Variants in USP40 observed in about 807,000 individuals in gnomAD.
USP40 encodes the protein ubiquitin specific peptidase 40.
USP40 carries 143 observed loss-of-function variants against 166.2 expected under a neutral mutation model. The observed-to-expected ratio is 0.86, with a 90% CI of 0.75 to 0.99. The LOEUF is 0.99. Among genes scored for constraint, USP40 ranks in the 50% least tolerant of loss-of-function variants. The pLI, the probability that USP40 is intolerant of heterozygous loss-of-function variation, is 0.00. For synonymous variants in USP40, 498 were observed against 524.0 expected (o/e 0.95, Z 0.68); for missense variants, 1,444 against 1,479.7 (o/e 0.98, Z 0.40).
intron 13 of USP40, 36 bp from the exon 14 acceptor site, chr2:233,525,598 A>G (rs1449557208): frequency 6.6e-7 from 1 of 1,512,174 alleles, no homozygotes; most frequent in South Asian, 1.1e-5. Context: ...AGAATGTTGA[A>G]AAGTGACATA....
At chr2:233,529,698 G>A (rs1417244597) in intron 11 of USP40, among the ~76,000 whole-genome samples, 186 bp from the exon 12 acceptor site, 2 of 151,610 alleles carry the variant, frequency 1.3e-5, no homozygotes, top group Non-Finnish European at 2.9e-5. Flanking sequence ...TAGAACAAAT[G>A]AAAAGTAAAC....
intron 25 of USP40, chr2:233,492,713 A>T (rs1411106802): frequency 6.6e-6 from 1 of 152,232 alleles, no homozygotes; most frequent in Non-Finnish European, 1.5e-5. Context: ...TTAAAAAGAA[A>T]TATAAGTAAT....
chr2:233,513,085 T>C (rs1478880106), intron 18 of USP40, among the ~76,000 whole-genome samples: 1 of 152,238 alleles, frequency 6.6e-6, no homozygotes, highest in African/African-American at 2.4e-5. Flanking sequence ...GTTTTCTGTC[T>C]TTGTAAATTA....
intron 6 of USP40, among the ~76,000 whole-genome samples, chr2:233,553,061 T>TATTGGCCATAGGTAAA (rs11269235): frequency 1.3e-5 from 2 of 151,884 alleles, no homozygotes; most frequent in Non-Finnish European, 2.9e-5. Flanking sequence ...GTTGATGCCA[T>TATTGGCCATAGGTAAA]AGAAGCTGAG....
intron 1 of USP40, among the ~76,000 whole-genome samples, 166 bp downstream of exon 1, chr2:233,566,518 C>CA (rs1340789066): frequency 6.6e-6 from 1 of 152,138 alleles, no homozygotes; most frequent in African/African-American, 2.4e-5. Flanking sequence ...CGCAAAAAGG[C>CA]AGAGGTCCCC....
chr2:233,539,151 G>A (rs1357245094), intron 10 of USP40, among the ~76,000 whole-genome samples: 1 of 150,938 alleles, frequency 6.6e-6, no homozygotes, highest in East Asian at 1.9e-4. Flanking sequence ...TTAAAAAAAT[G>A]AGACAAATCC....
intron 24 of USP40, among the ~76,000 whole-genome samples, chr2:233,494,992 A>AAT (rs370156608): frequency 0.21 from 27,268 of 132,284 alleles, 3,459 homozygotes; most frequent in Non-Finnish European, 0.22. Flanking sequence ...ACACACATAA[A>AAT]AAATAAATAA....
At chr2:233,495,818 ATTAACT>A (rs992018524) in intron 24 of USP40, among the ~76,000 whole-genome samples, 10 of 152,226 alleles carry the variant, frequency 6.6e-5, no homozygotes, top group African/African-American at 2.2e-4. Context: ...CTATTCAAAA[ATTAACT>A]TTAAAGATCA....
chr2:233,518,251 TAAAAAAAAAAA>T (rs1156279626), intron 18 of USP40, among the ~76,000 whole-genome samples: 2 of 49,798 alleles, frequency 4.0e-5, no homozygotes, highest in African/African-American at 8.8e-5. Context: ...TAACAGATTC[TAAAAAAAAAAA>T]AAAAAAAAAA....
chr2:233,530,115 G>C (rs999019555), intron 11 of USP40, among the ~76,000 whole-genome samples: 13 of 151,638 alleles, frequency 8.6e-5, no homozygotes, highest in Non-Finnish European at 1.8e-4. Context: ...TTTTCATCTT[G>C]ATTACAAATA....
chr2:233,522,812 G>A (rs1471267591), intron 16 of USP40, among the ~76,000 whole-genome samples: 1 of 152,122 alleles, frequency 6.6e-6, no homozygotes, highest in Non-Finnish European at 1.5e-5. Context: ...CCTTCTTCAG[G>A]AAAATTTTCA....
At chr2:233,520,851 C>G in intron 17 of USP40, 140 bp downstream of exon 17, 1 of 903,120 alleles carries the variant, frequency 1.1e-6, no homozygotes, top group Non-Finnish European at 1.6e-6. Flanking sequence ...AAGCAATAAT[C>G]AAATGTTAAA....
chr2:233,536,824 A>G (rs1279691274), intron 10 of USP40, among the ~76,000 whole-genome samples: 1 of 152,200 alleles, frequency 6.6e-6, no homozygotes, highest in Non-Finnish European at 1.5e-5. Flanking sequence ...GAAAAATAAT[A>G]AAAACTTAAA....
chr2:233,563,366 T>G (rs1269119712), intron 2 of USP40, among the ~76,000 whole-genome samples: 1 of 152,150 alleles, frequency 6.6e-6, no homozygotes, highest in Non-Finnish European at 1.5e-5. Context: ...TGCCACCCAA[T>G]GGGGCATACC....
At chr2:233,479,645 G>GTGTGTT (rs1444048119) in intron 31 of USP40, among the ~76,000 whole-genome samples, 2 of 151,854 alleles carry the variant, frequency 1.3e-5, no homozygotes, top group Admixed American at 6.6e-5. Context: ...GTGTGTGTGT[G>GTGTGTT]TGTGTGTGTG....
intron 11 of USP40, among the ~76,000 whole-genome samples, chr2:233,530,193 T>C (rs2125259856): frequency 7.9e-6 from 1 of 126,802 alleles, no homozygotes; most frequent in Non-Finnish European, 1.6e-5. Context: ...CTGCTCATAA[T>C]TTCACTCCCA....
At chr2:233,539,651 C>G (rs1041850414) in intron 10 of USP40, among the ~76,000 whole-genome samples, 2 of 151,230 alleles carry the variant, frequency 1.3e-5, no homozygotes, top group African/African-American at 4.9e-5. Context: ...TTGAATATAA[C>G]TAGTGCTTGG....
Position 233,493,292 on chromosome 2 carries a change from T to C in USP40, c.2917+133A>G. On this transcript the variant is annotated intron_variant, in intron 25 of 31. Transcript: ENST00000678225. The surrounding 1 kb of genome is among the most constrained non-coding windows in gnomAD (Gnocchi z 4.7). ...ATTATGTGATGTCTGGAATGACTTA[T>C]GAAATTAATAGGTCTTGATTTTCAA... is the stretch of plus-strand genomic sequence containing the variant. 1 of 1,274,952 alleles carries C rather than the reference T, an allele frequency of 7.8e-7. No homozygotes were observed. Among genetic ancestry groups the C allele is most frequent in the Non-Finnish European group, 1.1e-6 (1 of 911,980 alleles). 79.0% of individuals were successfully genotyped at this position (1,274,952 alleles called of 1,614,324 possible). A position where few individuals can be genotyped will look rare whatever the true frequency, so the allele number is the denominator to read the frequency against.
chr2:233,506,623 G>C (rs1456297376), intron 21 of USP40, among the ~76,000 whole-genome samples: 1 of 151,784 alleles, frequency 6.6e-6, no homozygotes, highest in Non-Finnish European at 1.5e-5. Context: ...AGCTGGGCGG[G>C]GTTGCTCACG....
Sources: allele counts gnomAD v4.1 joint callset (sites outside exome capture counted in the v4.1 genomes callset), GRCh38; gene constraint gnomAD v4.1.1; non-coding constraint Gnocchi (gnomAD v3.1); transcripts MANE v1.5; gene names NCBI Gene and HGNC (gene_info 2026-07-23, HGNC 2026-07-21).